Variants in NLGN1 observed in about 807,000 individuals in gnomAD.
NLGN1 encodes the protein neuroligin-1.
In NLGN1, 12 loss-of-function variants were observed where a neutral mutation model predicts 65.5. The ratio of observed to expected loss-of-function variants is 0.18; its 90% CI spans 0.12 to 0.30. The LOEUF (loss-of-function observed/expected upper bound fraction) is 0.30, where lower values mean the gene tolerates loss of function less well. Among genes scored for constraint, NLGN1 ranks in the 10% least tolerant of loss-of-function variants. NLGN1 has a pLI of 1.00. For missense variants in NLGN1, 750 were observed against 1,007.1 expected (o/e 0.74, Z 3.46); for synonymous variants, 350 against 359.5 (o/e 0.97, Z 0.30).
chr3:173,492,620 AATAATTACTTAGTC>A (rs1426060370), intron 2 of NLGN1, among the ~76,000 whole-genome samples: 1 of 151,912 alleles, frequency 6.6e-6, no homozygotes, highest in Non-Finnish European at 1.5e-5. Flanking sequence ...ATTAGAATAC[AATAATTACTTAGTC>A]ATAATTACAT....
chr3:173,985,423 C>G (rs1719674748), intron 4 of NLGN1, among the ~76,000 whole-genome samples: 1 of 152,110 alleles, frequency 6.6e-6, no homozygotes, highest in South Asian at 2.1e-4. Context: ...GCCAAGAGAA[C>G]TTTTATCTTG....
intron 4 of NLGN1, among the ~76,000 whole-genome samples, chr3:173,945,490 G>C (rs1746977931): frequency 1.3e-5 from 2 of 152,006 alleles, no homozygotes; most frequent in Admixed American, 6.6e-5. Flanking sequence ...TATTATTTGT[G>C]TGATGCTTGG....
chr3:174,095,925 A>C (rs917370981), intron 4 of NLGN1, among the ~76,000 whole-genome samples: 1 of 152,008 alleles, frequency 6.6e-6, no homozygotes. Context: ...GCTTGAACCC[A>C]GGAGGCAGAG....
At chr3:174,024,086 A>G (rs1339394724) in intron 4 of NLGN1, among the ~76,000 whole-genome samples, 1 of 150,288 alleles carries the variant, frequency 6.7e-6, no homozygotes, top group African/African-American at 2.4e-5. Context: ...ACAGAGTAAC[A>G]GGGCTTTGTC....
At chr3:173,733,171 T>A (rs1773142805) in intron 3 of NLGN1, among the ~76,000 whole-genome samples, 1 of 152,140 alleles carries the variant, frequency 6.6e-6, no homozygotes, top group Non-Finnish European at 1.5e-5. Flanking sequence ...ACTTGAATTG[T>A]CTTCTTGGCT....
chr3:173,973,384 C>T (rs1168931826), intron 4 of NLGN1, among the ~76,000 whole-genome samples: 1 of 152,034 alleles, frequency 6.6e-6, no homozygotes, highest in African/African-American at 2.4e-5. Flanking sequence ...TCTGCACCAT[C>T]TTCAGCAGCA....
chr3:173,653,521 G>T (rs1759532649), intron 3 of NLGN1, among the ~76,000 whole-genome samples: 1 of 152,048 alleles, frequency 6.6e-6, no homozygotes, highest in Admixed American at 6.6e-5. Context: ...CCTTAACTTT[G>T]TTTATATGAT....
chr3:173,690,744 A>G (rs1044732313), intron 3 of NLGN1, among the ~76,000 whole-genome samples: 1 of 152,164 alleles, frequency 6.6e-6, no homozygotes, highest in Non-Finnish European at 1.5e-5. Flanking sequence ...ATAAGAATAA[A>G]TGCACAACGA....
At chr3:173,795,238 A>G (rs2150381305) in intron 3 of NLGN1, among the ~76,000 whole-genome samples, 1 of 152,246 alleles carries the variant, frequency 6.6e-6, no homozygotes, top group South Asian at 2.1e-4. Flanking sequence ...TTTTTTAAAT[A>G]ATCAAGTGTT....
chr3:173,859,418 T>C (rs1437661458), intron 4 of NLGN1, among the ~76,000 whole-genome samples: 2 of 152,136 alleles, frequency 1.3e-5, no homozygotes, highest in Non-Finnish European at 2.9e-5. Context: ...ATATTAGTTA[T>C]TCTGTTTGTC....
intron 2 of NLGN1, among the ~76,000 whole-genome samples, chr3:173,451,299 G>C (rs1383212724): frequency 6.6e-6 from 1 of 152,178 alleles, no homozygotes; most frequent in East Asian, 1.9e-4. Flanking sequence ...TCAGCTGCAG[G>C]TCAGTTGGAG....
At chr3:174,021,046 G>C (rs1727656412) in intron 4 of NLGN1, among the ~76,000 whole-genome samples, 1 of 151,946 alleles carries the variant, frequency 6.6e-6, no homozygotes. Context: ...CTCAGCTATT[G>C]CTCCTCTCTT....
chr3:173,544,094 G>A (rs1739343551), intron 2 of NLGN1, among the ~76,000 whole-genome samples: 1 of 152,126 alleles, frequency 6.6e-6, no homozygotes, highest in South Asian at 2.1e-4. Context: ...AGAATGTTCT[G>A]AGTGCTTGGA....
intron 4 of NLGN1, among the ~76,000 whole-genome samples, chr3:173,815,368 A>G (rs531154600): frequency 1.0e-3 from 158 of 152,162 alleles, no homozygotes; most frequent in African/African-American, 3.5e-3. Context: ...CAGCCTCCCA[A>G]AGTGCTGGGA....
rs75542478 is a variant in NLGN1 at position 174,249,050 on chromosome 3, A to G, written c.647-26265A>G. Among the ~76,000 whole-genome samples the G allele has an allele frequency of 5.3e-3, 812 of 152,334 alleles. 31 individuals are homozygous for G. Among genetic ancestry groups the G allele is most frequent in the East Asian group, 0.048 (246 of 5,176 alleles). The stretch of plus-strand genomic sequence containing the variant: ...TAGGAACCTTAGAGGGGATGTAGCA[A>G]TTCCATTAGTGCCCATATATTTGTC... On this transcript the variant is annotated intron_variant, in intron 4 of 6. Transcript: ENST00000457714.
chr3:174,177,261 T>C (rs540426375), intron 4 of NLGN1, among the ~76,000 whole-genome samples: 1 of 152,048 alleles, frequency 6.6e-6, no homozygotes, highest in African/African-American at 2.4e-5. Flanking sequence ...ACAGAGGGTA[T>C]TATAGGTACT....
At chr3:173,788,833 T>TAAAAAA (rs3979635) in intron 3 of NLGN1, among the ~76,000 whole-genome samples, 3 of 53,488 alleles carry the variant, frequency 5.6e-5, no homozygotes, top group East Asian at 4.4e-4. Flanking sequence ...AGACCTCATT[T>TAAAAAA]AAAAAAAAAA....
intron 4 of NLGN1, among the ~76,000 whole-genome samples, chr3:173,969,974 CTG>C (rs772963016): frequency 2.0e-5 from 3 of 151,184 alleles, no homozygotes; most frequent in East Asian, 1.9e-4. Flanking sequence ...TATTATATAA[CTG>C]TAATATTTTT....
chr3:173,552,255 A>G (rs1740992592), intron 2 of NLGN1, among the ~76,000 whole-genome samples: 1 of 152,206 alleles, frequency 6.6e-6, no homozygotes, highest in Non-Finnish European at 1.5e-5. Flanking sequence ...GCCTATGGAA[A>G]TCACTCTCAA....
Sources: gnomAD v4.1 joint callset for allele counts (sites outside exome capture counted in the v4.1 genomes callset) on GRCh38, gnomAD v4.1.1 for gene constraint, MANE v1.5 for transcripts, NCBI Gene and HGNC (gene_info 2026-07-23, HGNC 2026-07-21) for gene names.